The following RAPGEF3 variants were observed in gnomAD, a reference collection of about 807,000 sequenced individuals.
RAPGEF3 encodes 9330170P05Rik.
Under a neutral mutation model 129.8 loss-of-function variants are expected in RAPGEF3, and 103 were observed. That is an observed-to-expected ratio of 0.79 (90% confidence interval 0.68 to 0.93). RAPGEF3 has a LOEUF of 0.93. Ranked by LOEUF, RAPGEF3 falls within the 40% of genes least tolerant of loss-of-function variation. The probability of loss-of-function intolerance (pLI) is 0.00; values close to 1 mark genes in which losing one functional copy is unlikely to be tolerated. For synonymous variants in RAPGEF3, 436 were observed against 482.6 expected (o/e 0.90, Z 1.26); for missense variants, 1,117 against 1,207.4 (o/e 0.93, Z 1.11).
chr12:47,747,818 G>T lies in RAPGEF3; in HGVS notation c.1367C>A (p.Thr456Asn). 1 of 1,606,220 alleles carries T rather than the reference G, an allele frequency of 6.2e-7. No homozygotes were observed. Among genetic ancestry groups the T allele is most frequent in the Non-Finnish European group, 8.5e-7 (1 of 1,179,976 alleles). The change falls in exon 14 of 28, where the codon ACC becomes AAC. Residue 456 changes from threonine to asparagine, a missense_variant. This residue lies in a region of RAPGEF3 where 643 missense variants were observed against 673.4 expected (regional missense o/e 0.95). Coordinates refer to ENST00000449771, the MANE Select transcript of RAPGEF3 (RefSeq NM_001098531.4). ...CTGCTGCCTCTTGTTGCAGACGTAG[G>T]TGCTGCGCTCCTGCTCGCTGCCACC... ...PAGGSEQERSTYVCNKRQQIL... is the reference protein window; with the variant it reads ...PAGGSEQERSNYVCNKRQQIL...
chr12:47,758,518 G>A (rs1942240838), intron 1 of RAPGEF3, 33 bp downstream of exon 1: 1 of 1,610,526 alleles, frequency 6.2e-7, no homozygotes, highest in Non-Finnish European at 8.5e-7. Flanking sequence ...GCCCTCTCCT[G>A]CTCCTCCTCA....
intron 2 of RAPGEF3, among the ~76,000 whole-genome samples, chr12:47,754,865 C>G (rs1402614896): frequency 6.6e-6 from 1 of 152,142 alleles, no homozygotes; most frequent in African/African-American, 2.4e-5. Flanking sequence ...AGAAAGGGTT[C>G]AGGGCGGAAG....
chr12:47,740,613 C>T (rs1244470966), intron 21 of RAPGEF3, 29 bp downstream of exon 21: 3 of 1,609,326 alleles, frequency 1.9e-6, no homozygotes, highest in Non-Finnish European at 2.5e-6. Flanking sequence ...GGACTCTGGC[C>T]ACGCCCTACC....
rs1227115636 is a variant in RAPGEF3 at position 47,740,686 on chromosome 12, GC to G, written c.2186del (p.Gly729AlafsTer41). On this transcript the variant is annotated frameshift_variant, in exon 21 of 28. Transcript: ENST00000449771. LOFTEE classifies it high-confidence loss of function. ...ACTTCCTGAGCAGCTGGGCCCGGGG[GC>G]CGGGCACGGGGCAGAGACACAGCTC... ...ATELCLCPVP[G>X]PRAQLLRKFI... 6.2e-7 allele frequency: 1 copy of G among 1,613,880 alleles called. No homozygotes were observed. Among genetic ancestry groups the G allele is most frequent in the Non-Finnish European group, 8.5e-7 (1 of 1,179,968 alleles).
chr12:47,741,556 C>T lies in RAPGEF3; in HGVS notation c.1872G>A (p.Leu624=), dbSNP rs1161899248. The part of the protein sequence containing the change: ...QPDARGVATS[L]GLNERLFVVN... ...CAACAAAGAGACGCTCATTGAGCCC[C>T]AGAGATGTGGCCACACCACGGGCAT... Residue 624 remains leucine, a synonymous_variant, in exon 19 of 28, where the codon CTG becomes CTA. Coordinates refer to ENST00000449771, the MANE Select transcript of RAPGEF3 (RefSeq NM_001098531.4). 6.2e-7 allele frequency: 1 copy of T among 1,614,150 alleles called. No homozygotes were observed. Among genetic ancestry groups the T allele is most frequent in the South Asian group, 1.1e-5 (1 of 91,092 alleles).
rs1298845276 is a variant in RAPGEF3, at chr12:47,740,331, T to G, written c.2296A>C (p.Ile766Leu). The change falls in exon 22 of 28, where the codon ATC becomes CTC. Residue 766 changes from isoleucine to leucine, a missense_variant. Coordinates refer to ENST00000449771, the MANE Select transcript of RAPGEF3 (RefSeq NM_001098531.4). ...AVMFGLSNSA[I>L]SRLAHTWERL... is the part of the protein sequence containing the mutation. ...TCCCAGGTGTGGGCTAGGCGGCTGA[T>G]GGCCGAGTTGCTGAGGCCAAACATG... 1.9e-6 allele frequency: 3 copies of G among 1,613,996 alleles called. No individual in the cohort carries two copies.
chr12:47,748,289 G>C (rs1042504233), intron 12 of RAPGEF3, 137 bp from the exon 13 acceptor site: 8 of 964,124 alleles, frequency 8.3e-6, no homozygotes, highest in Non-Finnish European at 1.3e-5. Flanking sequence ...CCCTGTGATA[G>C]TGCTCCCCAC....
At chr12:47,746,577 G>C in intron 16 of RAPGEF3, 1 of 688,964 alleles carries the variant, frequency 1.5e-6, no homozygotes, top group Non-Finnish European at 2.7e-6. Context: ...CATCTCCCAG[G>C]CTCTACCTGT....
At chr12:47,746,306 C>T (rs568231699) in intron 16 of RAPGEF3, 24 of 303,690 alleles carry the variant, frequency 7.9e-5, no homozygotes, top group Admixed American at 2.9e-4. Context: ...GGTGAGGCCC[C>T]TGGATTTTAT....
intron 18 of RAPGEF3, chr12:47,741,836 T>C: frequency 1.8e-6 from 1 of 568,628 alleles, no homozygotes; most frequent in Non-Finnish European, 3.2e-6. Context: ...AGGAAGAACC[T>C]GGGCAGGGTC....
At chr12:47,754,690 C>T (rs1428592757) in intron 2 of RAPGEF3, among the ~76,000 whole-genome samples, 1 of 152,114 alleles carries the variant, frequency 6.6e-6, no homozygotes, top group East Asian at 1.9e-4. Context: ...GTTTAGTTGA[C>T]TTGATCAGAT....
chr12:47,748,341 G>A, intron 12 of RAPGEF3, 113 bp downstream of exon 12: 5 of 1,114,536 alleles, frequency 4.5e-6, no homozygotes, highest in Non-Finnish European at 5.3e-6. Context: ...GCCAACTTCT[G>A]TACAGACCAA....
At chr12:47,748,746 A>G in intron 11 of RAPGEF3, 73 bp downstream of exon 11, 2 of 1,247,008 alleles carry the variant, frequency 1.6e-6, no homozygotes, top group Non-Finnish European at 2.4e-6. Context: ...GGGATATGAC[A>G]CAGGGGAAGG....
Position 47,748,842 on chromosome 12 carries a change from T to A in RAPGEF3, c.1131A>T (p.Arg377=). The change falls in exon 11 of 28, where the codon CGA becomes CGT. Residue 377 remains arginine (R), a synonymous_variant. Transcript: ENST00000449771. ...ERASQGAGPS[R]PPTPGRNRYT... ...ACCGGTTCCTGCCTGGGGTTGGGGG[T>A]CGGGAAGGGCCGGCGCCCTGAGAGG... 4.3e-6 allele frequency: 7 copies of A among 1,613,342 alleles called. No individual in the cohort carries two copies. Among genetic ancestry groups the A allele is most frequent in the Non-Finnish European group, 5.9e-6 (7 of 1,179,544 alleles).
chr12:47,751,260 G>A (rs1249959016), intron 5 of RAPGEF3, 44 bp from the exon 6 acceptor site: 1 of 1,546,620 alleles, frequency 6.5e-7, no homozygotes, highest in Non-Finnish European at 8.7e-7. Flanking sequence ...AGGAAATTGA[G>A]GCTATGTGGG....
intron 2 of RAPGEF3, among the ~76,000 whole-genome samples, chr12:47,757,213 G>A (rs2136825741): frequency 6.6e-6 from 1 of 152,210 alleles, no homozygotes; most frequent in South Asian, 2.1e-4. Context: ...CTGCTGATTT[G>A]GATAGTACAG....
chr12:47,736,991 C>A lies in RAPGEF3; in HGVS notation c.*576G>T, dbSNP rs796729716. ...GGCCTCAGCCTCCCTGCCACGCCCA[C>A]TCTGGGCTGGCCTGGAACATACTAC... On this transcript the variant is annotated 3_prime_UTR_variant, in exon 28 of 28. Coordinates refer to ENST00000449771, the MANE Select transcript of RAPGEF3 (RefSeq NM_001098531.4). 2.0e-5 allele frequency: 3 copies of A among 153,044 alleles called. No homozygotes were observed. The highest frequency in any genetic ancestry group is 7.2e-5 in the African/African-American group (3 of 41,602). 9.5% of individuals were successfully genotyped at this position (153,044 alleles called of 1,614,324 possible). A position where few individuals can be genotyped will look rare whatever the true frequency, so the allele number is the denominator to read the frequency against.
At position 47,749,129 on chromosome 12, in the gene RAPGEF3, C is replaced by T; in HGVS notation, c.1042-198G>A. 1.6e-6 allele frequency: 1 copy of T among 643,792 alleles called. No individual in the cohort carries two copies. The highest frequency in any genetic ancestry group is 2.7e-6 in the Non-Finnish European group (1 of 369,898). 39.9% of individuals were successfully genotyped at this position (643,792 alleles called of 1,614,324 possible). ...ATCCTGCCTCCCCCACAGCCTAGTC[C>T]CCCGCCCCCTGCATGCCCATCCTTC... is the stretch of plus-strand genomic sequence containing the variant. On this transcript the variant is annotated intron_variant, in intron 10 of 27. Transcript: ENST00000449771. This position sits in a 1 kb window ranked among gnomAD's most constrained non-coding sequence, Gnocchi z 4.5.
At chr12:47,750,970 A>C in intron 6 of RAPGEF3, 78 bp downstream of exon 6, 27 of 1,533,528 alleles carry the variant, frequency 1.8e-5, no homozygotes, top group Non-Finnish European at 2.1e-5. Context: ...GGATGCCCCC[A>C]GAGATCAATC....
Sources: allele counts gnomAD v4.1 joint callset (sites outside exome capture counted in the v4.1 genomes callset), GRCh38; gene constraint gnomAD v4.1.1; regional missense constraint gnomAD v4.1.1; non-coding constraint Gnocchi (gnomAD v3.1); transcripts MANE v1.5; gene names NCBI Gene and HGNC (gene_info 2026-07-23, HGNC 2026-07-21).